The following HABP4 variants were observed in gnomAD, a reference collection of about 807,000 sequenced individuals.
HABP4 encodes hyaluronan binding protein 4, also known as intracellular hyaluronan-binding protein 4.
Under a neutral mutation model 44.1 loss-of-function variants are expected in HABP4, and 32 were observed. That is an observed-to-expected ratio of 0.73 (90% CI 0.55 to 0.97). HABP4 has a LOEUF of 0.97. Among genes scored for constraint, HABP4 ranks in the 50% least tolerant of loss-of-function variants. HABP4 has a pLI of 0.00. For missense variants in HABP4, 503 were observed against 561.9 expected (o/e 0.90, Z 1.06); for synonymous variants, 216 against 218.0 (o/e 0.99, Z 0.08).
At chr9:96,453,055 G>T (rs553946370) in intron 1 of HABP4, among the ~76,000 whole-genome samples, 3 of 147,316 alleles carry the variant, frequency 2.0e-5, no homozygotes, top group South Asian at 2.2e-4. Context: ...TTAGTAGCTG[G>T]CATTACAGGC....
intron 5 of HABP4, among the ~76,000 whole-genome samples, chr9:96,475,083 A>T (rs988821437): frequency 4.6e-5 from 7 of 152,142 alleles, no homozygotes; most frequent in Admixed American, 4.6e-4. Flanking sequence ...TTTTAAGAAT[A>T]ACTCTAACAT....
At chr9:96,480,228 A>G (rs980585844) in intron 5 of HABP4, among the ~76,000 whole-genome samples, 7 of 152,084 alleles carry the variant, frequency 4.6e-5, no homozygotes, top group African/African-American at 1.4e-4. Flanking sequence ...ATGCATATAT[A>G]TTTGTGTGGC....
At position 96,488,150 on chromosome 9, in the gene HABP4, C is replaced by G; in HGVS notation, c.1061C>G (p.Thr354Arg). Residue 354 changes from threonine to arginine, a missense_variant, in exon 7 of 8, where the codon ACA becomes AGA. Thr to Arg is a moderately conservative substitution (Grantham distance 71, BLOSUM62 -1). Transcript: ENST00000375249. The surrounding 1 kb of genome is among the most constrained non-coding windows in gnomAD (Gnocchi z 4.6). Reference sequence around the variant, plus strand: ...TTCCGGAAACCCGCCAATGACATCACATCCCAGCTGGAGATTAATTTTGGT... The same window carrying G: ...TTCCGGAAACCCGCCAATGACATCAGATCCCAGCTGGAGATTAATTTTGGT... ...HVFRKPANDI[T>R]SQLEINFGNL... 6 of 1,613,140 alleles carry G rather than the reference C, an allele frequency of 3.7e-6. No homozygotes were observed. The highest frequency in any genetic ancestry group is 5.1e-6 in the Non-Finnish European group (6 of 1,179,062).
chr9:96,473,277 T>G (rs1369066143), intron 5 of HABP4, among the ~76,000 whole-genome samples: 3 of 152,146 alleles, frequency 2.0e-5, no homozygotes, highest in Admixed American at 6.5e-5. Flanking sequence ...CTGAGCTGAC[T>G]CCTCCCCACA....
chr9:96,464,325 C>T (rs1224305730), intron 2 of HABP4, among the ~76,000 whole-genome samples: 2 of 152,064 alleles, frequency 1.3e-5, no homozygotes, highest in African/African-American at 2.4e-5. Context: ...TGGCATGAGC[C>T]GAGATCCTGC....
At chr9:96,455,977 C>T (rs1832368725) in intron 1 of HABP4, among the ~76,000 whole-genome samples, 1 of 152,046 alleles carries the variant, frequency 6.6e-6, no homozygotes, top group African/African-American at 2.4e-5. Flanking sequence ...AATGCTTTAA[C>T]CTGGGAGGCG....
In HABP4 at chr9:96,454,840, T is replaced by C. The variant is rs1832346819; in HGVS notation, c.350-3539T>C. Among the ~76,000 whole-genome samples the C allele has an allele frequency of 5.3e-5, 8 of 151,684 alleles. No individual in the cohort carries two copies. The South Asian group carries it at 1.7e-3, about 32-fold the overall frequency. On this transcript the variant is annotated intron_variant, in intron 1 of 7. Transcript: ENST00000375249. ...CACAAGTGTCAGTCACAGTGGGGGC[T>C]GCGTGGTGGCTCACGCCTGTGATCC...
At chr9:96,463,720 ACTT>A (rs1203569677) in intron 2 of HABP4, among the ~76,000 whole-genome samples, 3 of 152,188 alleles carry the variant, frequency 2.0e-5, no homozygotes, top group Non-Finnish European at 4.4e-5. Flanking sequence ...AATGATCAGT[ACTT>A]CTGTATTTCT....
intron 6 of HABP4, among the ~76,000 whole-genome samples, chr9:96,485,163 G>A (rs538793979): frequency 8.6e-5 from 13 of 151,462 alleles, no homozygotes; most frequent in South Asian, 2.1e-4. Flanking sequence ...AGCGATTCTC[G>A]TGCCTCAGCC....
In HABP4 at chr9:96,479,613, C is replaced by T. The variant is rs558404244; in HGVS notation, c.828-4849C>T. Reference sequence around the variant, plus strand: ...CAACCTCCGCCTCCCGGGTTCAAAGCGATTCTCCTGCCTCAGCCTCCCGAG... The same window carrying T: ...CAACCTCCGCCTCCCGGGTTCAAAGTGATTCTCCTGCCTCAGCCTCCCGAG... On this transcript the variant is annotated intron_variant, in intron 5 of 7. Transcript: ENST00000375249. 3.3e-5 allele frequency among the ~76,000 whole-genome samples: 5 copies of T among 151,918 alleles called. No individual in the cohort carries two copies. In the East Asian group the frequency reaches 5.9e-4, roughly 18 times the overall value.
Position 96,450,284 on chromosome 9 carries a change from AG to A in HABP4, c.8del (p.Gly3AlafsTer180). M[K>X]GALGSPVAAA... ...GCCCGCAGTGGTCGCGGCGGCATGA[AG>A]GGCGCTCTGGGGAGTCCCGTGGCTG... On this transcript the variant is annotated frameshift_variant, in exon 1 of 8. Coordinates refer to ENST00000375249, the MANE Select transcript of HABP4 (RefSeq NM_014282.4). LOFTEE classifies it high-confidence loss of function. This position sits in a 1 kb window ranked among gnomAD's most constrained non-coding sequence, Gnocchi z 4.8. 2 of 1,444,092 alleles carry A rather than the reference AG, an allele frequency of 1.4e-6. No homozygotes were observed. The highest frequency in any genetic ancestry group is 1.8e-6 in the Non-Finnish European group (2 of 1,088,262). The allele number at this position is 1,444,092 out of a possible 1,614,324, so 89.5% of individuals were successfully genotyped here.
chr9:96,472,471 A>G (rs974855006), intron 5 of HABP4, among the ~76,000 whole-genome samples: 2 of 152,056 alleles, frequency 1.3e-5, no homozygotes, highest in African/African-American at 4.8e-5. Context: ...TTAGGTGGCA[A>G]CTTCATCATC....
At chr9:96,476,263 C>G (rs1479383833) in intron 5 of HABP4, among the ~76,000 whole-genome samples, 2 of 152,132 alleles carry the variant, frequency 1.3e-5, no homozygotes, top group Non-Finnish European at 2.9e-5. Context: ...TTAATTATAT[C>G]TAACTATTGA....
rs750118263 is a variant in HABP4, at chr9:96,484,649, C to T, written c.999+16C>T. ...CAGAGATGATGTAAGCATTGCATTTCGTATGTAGAGGTAATCTTTACTTTT... is the reference window on the plus strand; with the variant it reads ...CAGAGATGATGTAAGCATTGCATTTTGTATGTAGAGGTAATCTTTACTTTT... On this transcript the variant is annotated intron_variant, in intron 6 of 7. Coordinates refer to ENST00000375249, the MANE Select transcript of HABP4 (RefSeq NM_014282.4). 2.4e-5 allele frequency: 34 copies of T among 1,399,876 alleles called. No individual in the cohort carries two copies. Among genetic ancestry groups the T allele is most frequent in the Non-Finnish European group, 3.2e-5 (32 of 988,342 alleles). The allele number at this position is 1,399,876 out of a possible 1,614,324, so 86.7% of individuals were successfully genotyped here.
chr9:96,481,942 T>A (rs1321624015), intron 5 of HABP4, among the ~76,000 whole-genome samples: 1 of 151,688 alleles, frequency 6.6e-6, no homozygotes, highest in Admixed American at 6.6e-5. Flanking sequence ...CTAGAACTTT[T>A]TTTTTTTTTT....
intron 5 of HABP4, among the ~76,000 whole-genome samples, chr9:96,474,987 C>T (rs567392106): frequency 1.3e-5 from 2 of 152,202 alleles, no homozygotes; most frequent in African/African-American, 4.8e-5. Flanking sequence ...CTTCCATCTT[C>T]TCCTTTCATT....
intron 5 of HABP4, among the ~76,000 whole-genome samples, chr9:96,481,778 G>C (rs541668029): frequency 6.6e-6 from 1 of 152,138 alleles, no homozygotes; most frequent in Non-Finnish European, 1.5e-5. Context: ...ACGACTGAAT[G>C]CATGGATGGA....
intron 5 of HABP4, 41 bp from the exon 6 acceptor site, chr9:96,484,421 C>G (rs755629935): frequency 5.7e-6 from 5 of 875,284 alleles, no homozygotes; most frequent in African/African-American, 1.7e-5. Flanking sequence ...CATTTTAGTA[C>G]CATCAAAAAG....
At chr9:96,477,453 C>G (rs1300752838) in intron 5 of HABP4, among the ~76,000 whole-genome samples, 1 of 152,142 alleles carries the variant, frequency 6.6e-6, no homozygotes, top group African/African-American at 2.4e-5. Context: ...TCTGCCTCCC[C>G]CAGGGTATCA....
Sources: gnomAD v4.1 joint callset for allele counts (sites outside exome capture counted in the v4.1 genomes callset) on GRCh38, gnomAD v4.1.1 for gene constraint, Gnocchi (gnomAD v3.1) non-coding constraint, MANE v1.5 for transcripts, NCBI Gene and HGNC (gene_info 2026-07-23, HGNC 2026-07-21) for gene names.